Variants in ADAMTS8 observed in about 807,000 individuals in gnomAD.
ADAMTS8 encodes ADAM metallopeptidase with thrombospondin type 1 motif 8.
Under a neutral mutation model 64.4 loss-of-function variants are expected in ADAMTS8, and 50 were observed. The ratio of observed to expected loss-of-function variants is 0.78; its 90% CI spans 0.62 to 0.98. The LOEUF (loss-of-function observed/expected upper bound fraction) is 0.98, where lower values mean the gene tolerates loss of function less well. Among genes scored for constraint, ADAMTS8 ranks in the 50% least tolerant of loss-of-function variants. The pLI, the probability that ADAMTS8 is intolerant of heterozygous loss-of-function variation, is 0.00. For synonymous variants in ADAMTS8, 556 were observed against 533.6 expected (o/e 1.04, Z -0.58); for missense variants, 1,192 against 1,208.2 (o/e 0.99, Z 0.20).
chr11:130,420,205 G>A (rs966094918), intron 1 of ADAMTS8, among the ~76,000 whole-genome samples: 36 of 152,144 alleles, frequency 2.4e-4, no homozygotes, highest in Non-Finnish European at 4.0e-4. Flanking sequence ...AGAGGATCCC[G>A]TGGGCCTAAG....
At position 130,408,626 on chromosome 11, in the gene ADAMTS8, G is replaced by A. The variant is rs761168624; in HGVS notation, c.1937C>T (p.Thr646Ile). ...KVFEAKVIDG[T>I]LCGPETLAIC... ...GGCCAGTGTTTCTGGCCCACACAGG[G>A]TGCCATCAATCACCTGCAACGGGGA... Residue 646 changes from threonine to isoleucine, a missense_variant, in exon 8 of 9, where the codon ACC becomes ATC. Coordinates refer to ENST00000257359, the MANE Select transcript of ADAMTS8 (RefSeq NM_007037.6). 1.9e-6 allele frequency: 3 copies of A among 1,614,108 alleles called. No homozygotes were observed. The highest frequency in any genetic ancestry group is 2.2e-5 in the East Asian group (1 of 44,868).
intron 1 of ADAMTS8, among the ~76,000 whole-genome samples, chr11:130,420,014 G>A (rs375729957): frequency 1.5e-4 from 23 of 152,168 alleles, no homozygotes; most frequent in African/African-American, 5.1e-4. Context: ...TCCATTTCAC[G>A]AATGAGGAAG....
At chr11:130,427,491 G>A (rs1210924630) in intron 1 of ADAMTS8, 76 bp downstream of exon 1, 3 of 1,288,130 alleles carry the variant, frequency 2.3e-6, no homozygotes, top group Non-Finnish European at 3.1e-6. Context: ...GGGATTGGAA[G>A]GGGAGATTTT....
At chr11:130,424,634 G>A (rs997403782) in intron 1 of ADAMTS8, among the ~76,000 whole-genome samples, 5 of 152,218 alleles carry the variant, frequency 3.3e-5, no homozygotes, top group African/African-American at 1.2e-4. Context: ...GCTTCCATTT[G>A]CAGGAGGTGG....
intron 1 of ADAMTS8, among the ~76,000 whole-genome samples, chr11:130,424,780 G>A (rs2134692273): frequency 6.6e-6 from 1 of 152,252 alleles, no homozygotes; most frequent in South Asian, 2.1e-4. Flanking sequence ...CTCCAAGGCT[G>A]GTCAGCTCAT....
Position 130,428,149 on chromosome 11 carries a change from C to T in ADAMTS8, c.138G>A (p.Leu46=). Residue 46 remains leucine, a synonymous_variant, in exon 1 of 9, where the codon TTG becomes TTA. Coordinates refer to ENST00000257359, the MANE Select transcript of ADAMTS8 (RefSeq NM_007037.6). ...QASELVVPTR[L]PGSAGELALH... is the part of the protein sequence containing the mutation. ...GCGCGAGCTCGCCCGCGCTGCCGGG[C>T]AACCGCGTGGGCACCACCAGCTCCG... The T allele has an allele frequency of 6.7e-7, 1 of 1,483,340 alleles. No homozygotes were observed. 91.9% of individuals were successfully genotyped at this position (1,483,340 alleles called of 1,614,324 possible).
rs571048631 is a variant in ADAMTS8, at chr11:130,416,714, G to A, written c.1096+226C>T. 1.3e-5 allele frequency among the ~76,000 whole-genome samples: 2 copies of A among 152,170 alleles called. No individual in the cohort carries two copies. Among genetic ancestry groups the A allele is most frequent in the African/African-American group, 2.4e-5 (1 of 41,452 alleles). ...ATTTGCCCGGTGACCTGTGATAATCGTGTGGGATGCTGCTTTTGTATTTTG... is the reference window on the plus strand; with the variant it reads ...ATTTGCCCGGTGACCTGTGATAATCATGTGGGATGCTGCTTTTGTATTTTG... On this transcript the variant is annotated intron_variant, in intron 3 of 8. Transcript: ENST00000257359. This position sits in a 1 kb window ranked among gnomAD's most constrained non-coding sequence, Gnocchi z 4.8.
Position 130,427,632 on chromosome 11 carries a change from G to T in ADAMTS8, c.655C>A (p.Arg219Ser). The part of the protein sequence containing the change: ...SRTKRFVSEA[R>S]FVETLLVADA... ...GCCACCAGCAGCGTCTCCACGAAGCGCGCCTCAGACACAAACCGCTTGGTC... is the reference window on the plus strand; with the variant it reads ...GCCACCAGCAGCGTCTCCACGAAGCTCGCCTCAGACACAAACCGCTTGGTC... The change falls in exon 1 of 9, where the codon CGC becomes AGC. Residue 219 changes from arginine (R) to serine (S), a missense_variant. By Grantham distance (110) the Arg-to-Ser change is moderately radical. Transcript: ENST00000257359. 6.4e-7 allele frequency: 1 copy of T among 1,571,934 alleles called. No homozygotes were observed. The highest frequency in any genetic ancestry group is 8.6e-7 in the Non-Finnish European group (1 of 1,161,804).
intron 2 of ADAMTS8, 69 bp downstream of exon 2, chr11:130,418,984 G>C: frequency 6.3e-7 from 1 of 1,599,664 alleles, no homozygotes; most frequent in Admixed American, 1.7e-5. Flanking sequence ...GGCAGGCCTC[G>C]TGGTCCTCCC....
intron 1 of ADAMTS8, among the ~76,000 whole-genome samples, chr11:130,421,372 C>A (rs779216006): frequency 6.6e-6 from 1 of 152,192 alleles, no homozygotes. Context: ...CAGGGAGCCT[C>A]CTTCTCTACA....
At position 130,416,087 on chromosome 11, in the gene ADAMTS8, C is replaced by T. The variant is rs991154944; in HGVS notation, c.1264+76G>A. On this transcript the variant is annotated intron_variant, in intron 4 of 8. Coordinates refer to ENST00000257359, the MANE Select transcript of ADAMTS8 (RefSeq NM_007037.6). The surrounding 1 kb of genome is among the most constrained non-coding windows in gnomAD (Gnocchi z 4.8). The stretch of plus-strand genomic sequence containing the variant: ...CTAAGGGCCCTGTGAGGAGGCACAG[C>T]TGGAGGGGGTCTCTGCGCCAGCACC... 34 of 1,457,856 alleles carry T rather than the reference C, an allele frequency of 2.3e-5. No individual in the cohort carries two copies. In the Admixed American group the frequency reaches 7.4e-4, roughly 32 times the overall value. 90.3% of individuals were successfully genotyped at this position (1,457,856 alleles called of 1,614,324 possible).
chr11:130,408,681 A>G, intron 7 of ADAMTS8, 42 bp from the exon 8 acceptor site: 1 of 1,612,452 alleles, frequency 6.2e-7, no homozygotes, highest in Non-Finnish European at 8.5e-7. Context: ...CGTGTTGAGC[A>G]CAGAAGCAGC....
intron 5 of ADAMTS8, among the ~76,000 whole-genome samples, chr11:130,413,680 T>C (rs937130883): frequency 1.3e-5 from 2 of 152,224 alleles, no homozygotes; most frequent in African/African-American, 2.4e-5. Flanking sequence ...CAAGTTTTTT[T>C]CTGCCTGGCC....
chr11:130,407,575 G>A (rs568631653), intron 8 of ADAMTS8, among the ~76,000 whole-genome samples: 2 of 152,114 alleles, frequency 1.3e-5, no homozygotes, highest in African/African-American at 4.8e-5. Flanking sequence ...CTCTGAGACC[G>A]TGAGTGGGGG....
chr11:130,417,740 G>T (rs978316137), intron 2 of ADAMTS8, among the ~76,000 whole-genome samples: 2 of 152,134 alleles, frequency 1.3e-5, no homozygotes, highest in Non-Finnish European at 2.9e-5. Flanking sequence ...CTTTTTTAAG[G>T]AGGAAGACGC....
Position 130,416,373 on chromosome 11 carries a change from G to T in ADAMTS8, c.1097-43C>A. On this transcript the variant is annotated intron_variant, in intron 3 of 8. Transcript: ENST00000257359. The surrounding 1 kb of genome is among the most constrained non-coding windows in gnomAD (Gnocchi z 4.8). ...GTCCACTCCGCCCTGTCCTGCCTGA[G>T]GGCGCCCCACCTGGCCCAGCTAGGG... 6.6e-7 allele frequency: 1 copy of T among 1,504,672 alleles called. No homozygotes were observed. Among genetic ancestry groups the T allele is most frequent in the Non-Finnish European group, 8.9e-7 (1 of 1,121,486 alleles). The allele number at this position is 1,504,672 out of a possible 1,614,324, so 93.2% of individuals were successfully genotyped here.
Position 130,428,267 on chromosome 11 carries a change from G to C in ADAMTS8, c.20C>G (p.Ala7Gly). 1.7e-6 allele frequency: 2 copies of C among 1,209,536 alleles called. No individual in the cohort carries two copies. Among genetic ancestry groups the C allele is most frequent in the Non-Finnish European group, 2.0e-6 (2 of 977,180 alleles). 74.9% of individuals were successfully genotyped at this position (1,209,536 alleles called of 1,614,324 possible). Residue 7 changes from alanine to glycine, a missense_variant, in exon 1 of 9, where the codon GCC becomes GGC. Transcript: ENST00000257359. MLPAPA[A>G]PRWPPLLLLL... ...CAGCAGGAGCGGAGGCCACCGGGGG[G>C]CGGCGGGGGCGGGGAGCATGGGGGC...
chr11:130,419,343 C>A, intron 1 of ADAMTS8, 51 bp from the exon 2 acceptor site: 2 of 1,608,880 alleles, frequency 1.2e-6, no homozygotes, highest in Non-Finnish European at 1.7e-6. Flanking sequence ...AGTCTCAGGG[C>A]CCTTGGCCTG....
chr11:130,426,715 C>T (rs1350621608), intron 1 of ADAMTS8, among the ~76,000 whole-genome samples: 1 of 152,178 alleles, frequency 6.6e-6, no homozygotes, highest in East Asian at 1.9e-4. Context: ...GGTAGCCATC[C>T]CCTGGACTCT....
Sources: allele counts gnomAD v4.1 joint callset (sites outside exome capture counted in the v4.1 genomes callset), GRCh38; gene constraint gnomAD v4.1.1; non-coding constraint Gnocchi (gnomAD v3.1); transcripts MANE v1.5; gene names NCBI Gene and HGNC (gene_info 2026-07-23, HGNC 2026-07-21).